Variants in RB1 observed in about 807,000 individuals in gnomAD.
RB1 encodes RB transcriptional corepressor 1, also known as retinoblastoma-associated protein.
RB1 carries 18 observed loss-of-function variants against 135.4 expected under a neutral mutation model. That is an observed-to-expected ratio of 0.13 (90% confidence interval 0.09 to 0.20). The LOEUF is 0.20. Ranked by LOEUF, RB1 falls within the 10% of genes least tolerant of loss-of-function variation. The probability of loss-of-function intolerance (pLI) is 1.00; values close to 1 mark genes in which losing one functional copy is unlikely to be tolerated. For missense variants in RB1, 868 were observed against 1,110.0 expected (o/e 0.78, Z 3.10); for synonymous variants, 365 against 373.2 (o/e 0.98, Z 0.25).
chr13:48,418,503 A>T (rs1948951961), intron 17 of RB1, among the ~76,000 whole-genome samples: 1 of 152,220 alleles, frequency 6.6e-6, no homozygotes, highest in Non-Finnish European at 1.5e-5. Context: ...ACTGGCTAGC[A>T]TCATAATGAC....
chr13:48,457,884 T>C (rs562189097), intron 19 of RB1, among the ~76,000 whole-genome samples: 34 of 152,350 alleles, frequency 2.2e-4, no homozygotes, highest in Admixed American at 1.2e-3. Context: ...CTTCTGAGCC[T>C]GCGAGGGCGG....
chr13:48,351,899 C>T (rs1198782134), intron 6 of RB1, among the ~76,000 whole-genome samples: 2 of 152,080 alleles, frequency 1.3e-5, no homozygotes, highest in Admixed American at 6.6e-5. Flanking sequence ...GTCTTGAACT[C>T]CCTACCTCAG....
At chr13:48,333,654 C>T (rs746884929) in intron 2 of RB1, among the ~76,000 whole-genome samples, 25 of 151,312 alleles carry the variant, frequency 1.7e-4, no homozygotes, top group Admixed American at 9.2e-4. Context: ...GCTGAAGAAA[C>T]TATAGTGGAA....
chr13:48,417,379 C>T (rs1948930059), intron 17 of RB1: 1 of 152,160 alleles, frequency 6.6e-6, no homozygotes, highest in Non-Finnish European at 1.5e-5. Flanking sequence ...TGAATAGCAT[C>T]AATATCAACA....
At chr13:48,342,786 C>T in intron 3 of RB1, 72 bp downstream of exon 3, 2 of 1,075,822 alleles carry the variant, frequency 1.9e-6, no homozygotes, top group Non-Finnish European at 2.8e-6. Context: ...TCTCAATAGA[C>T]TTTTGTGAAT....
chr13:48,324,468 A>C (rs1952267713), intron 2 of RB1, among the ~76,000 whole-genome samples: 1 of 151,578 alleles, frequency 6.6e-6, no homozygotes, highest in African/African-American at 2.4e-5. Flanking sequence ...TGTAAGTGAG[A>C]ACATGTACTT....
intron 1 of RB1, among the ~76,000 whole-genome samples, chr13:48,305,304 T>C (rs75287431): frequency 2.6e-5 from 4 of 152,214 alleles, no homozygotes; most frequent in South Asian, 4.1e-4. Flanking sequence ...TAAAAATTTA[T>C]ATATTTAAAT....
intron 17 of RB1, among the ~76,000 whole-genome samples, chr13:48,391,140 G>T (rs1243207569): frequency 2.0e-5 from 3 of 151,228 alleles, no homozygotes; most frequent in South Asian, 2.1e-4. Flanking sequence ...ATTGTTTTTT[G>T]ATTTATAATA....
intron 17 of RB1, among the ~76,000 whole-genome samples, chr13:48,452,594 G>A (rs1186183046): frequency 6.6e-6 from 1 of 151,886 alleles, no homozygotes; most frequent in African/African-American, 2.4e-5. Flanking sequence ...CAATCTGACT[G>A]GAGATTTGTT....
At chr13:48,367,747 T>A in intron 10 of RB1, 144 bp downstream of exon 10, 2 of 949,098 alleles carry the variant, frequency 2.1e-6, no homozygotes, top group South Asian at 1.8e-5. Flanking sequence ...AAGAAAAGTT[T>A]AACAGTATTT....
intron 2 of RB1, chr13:48,317,388 CG>C (rs1298177410): frequency 3.1e-5 from 12 of 384,376 alleles, no homozygotes; most frequent in South Asian, 1.4e-4. Context: ...GCAGCGCGCA[CG>C]GGTTCCGGTG....
chr13:48,387,634 A>C (rs1948580403), intron 17 of RB1, among the ~76,000 whole-genome samples: 1 of 152,122 alleles, frequency 6.6e-6, no homozygotes, highest in Non-Finnish European at 1.5e-5. Flanking sequence ...TATTGTAGTC[A>C]ATTTTATAAC....
At chr13:48,431,291 T>C (rs1949127196) in intron 17 of RB1, among the ~76,000 whole-genome samples, 1 of 152,244 alleles carries the variant, frequency 6.6e-6, no homozygotes, top group African/African-American at 2.4e-5. Flanking sequence ...TAAAAATGAC[T>C]ATACATTTGA....
chr13:48,423,932 G>T (rs575062011), intron 17 of RB1: 2 of 152,196 alleles, frequency 1.3e-5, no homozygotes, highest in Non-Finnish European at 2.9e-5. Context: ...CTTGAAGAAA[G>T]AAAGAAAAAA....
At chr13:48,327,048 C>A (rs1252291923) in intron 2 of RB1, among the ~76,000 whole-genome samples, 1 of 151,988 alleles carries the variant, frequency 6.6e-6, no homozygotes, top group Non-Finnish European at 1.5e-5. Context: ...TTAAAATAAA[C>A]CATATAATTT....
chr13:48,319,675 C>A lies in RB1; in HGVS notation c.264+12269C>A. 1 of 251,976 alleles carries A rather than the reference C, an allele frequency of 4.0e-6. No individual in the cohort carries two copies. 15.6% of individuals were successfully genotyped at this position (251,976 alleles called of 1,614,324 possible). ...AGACCCTGCCGATGCGCCACCTTTGCGGCTAGCTCTTCGTGGGATTTCAAG... is the reference window on the plus strand; with the variant it reads ...AGACCCTGCCGATGCGCCACCTTTGAGGCTAGCTCTTCGTGGGATTTCAAG... On this transcript the variant is annotated intron_variant, in intron 2 of 26. Transcript: ENST00000267163. This position sits in a 1 kb window ranked among gnomAD's most constrained non-coding sequence, Gnocchi z 5.0.
chr13:48,393,152 A>G (rs1459563389), intron 17 of RB1, among the ~76,000 whole-genome samples: 1 of 152,168 alleles, frequency 6.6e-6, no homozygotes, highest in East Asian at 1.9e-4. Context: ...ACTCCTTCCC[A>G]TGGTTCTTCC....
rs76764027 is a variant in RB1, at chr13:48,452,779, T to C, written c.1696-214T>C. ...TTTCTAATATAAGCGTTGAAGGTTA[T>C]ACATTTTTCTACTTTTTTGTGTGTG... On this transcript the variant is annotated intron_variant, in intron 17 of 26. Coordinates refer to ENST00000267163, the MANE Select transcript of RB1 (RefSeq NM_000321.3). Among the ~76,000 whole-genome samples, 146 of 152,290 alleles carry C rather than the reference T, an allele frequency of 9.6e-4. 3 individuals are homozygous for C. In the East Asian group the frequency reaches 0.025, roughly 26 times the overall value.
intron 17 of RB1, among the ~76,000 whole-genome samples, chr13:48,446,728 G>A (rs1242550713): frequency 1.3e-5 from 2 of 152,158 alleles, no homozygotes; most frequent in African/African-American, 2.4e-5. Flanking sequence ...CCAGAGAAAG[G>A]AAGAATTATG....
Sources: allele counts gnomAD v4.1 joint callset (sites outside exome capture counted in the v4.1 genomes callset), GRCh38; gene constraint gnomAD v4.1.1; non-coding constraint Gnocchi (gnomAD v3.1); transcripts MANE v1.5; gene names NCBI Gene and HGNC (gene_info 2026-07-23, HGNC 2026-07-21).